The following ESR1 variants were observed in gnomAD, a reference collection of about 807,000 sequenced individuals.
ESR1 encodes the protein estrogen receptor.
Under a neutral mutation model 52.7 loss-of-function variants are expected in ESR1, and 12 were observed. The ratio of observed to expected loss-of-function variants is 0.23; its 90% confidence interval spans 0.15 to 0.37. The LOEUF is 0.37. ESR1 is among the 10% of genes least tolerant of loss of function. The probability of loss-of-function intolerance (pLI) is 1.00; values close to 1 mark genes in which losing one functional copy is unlikely to be tolerated. For missense variants in ESR1, 584 were observed against 779.7 expected (o/e 0.75, Z 2.99); for synonymous variants, 305 against 316.8 (o/e 0.96, Z 0.39).
chr6:151,976,780 C>A (rs1263940942), intron 4 of ESR1, among the ~76,000 whole-genome samples: 1 of 151,924 alleles, frequency 6.6e-6, no homozygotes, highest in Non-Finnish European at 1.5e-5. Flanking sequence ...GCAGTGTTTG[C>A]CTCTCTACTT....
At chr6:151,854,579 A>G (rs899272603) in intron 2 of ESR1, among the ~76,000 whole-genome samples, 1 of 152,156 alleles carries the variant, frequency 6.6e-6, no homozygotes. Context: ...GTGGACTTTC[A>G]ATTTTATCCA....
intron 2 of ESR1, among the ~76,000 whole-genome samples, chr6:151,776,823 G>C (rs904678353): frequency 6.7e-6 from 1 of 148,982 alleles, no homozygotes; most frequent in African/African-American, 2.5e-5. Flanking sequence ...GGGCAACAAA[G>C]AGTGAAACTC....
chr6:151,806,530 GTATATATATATATATA>G (rs56020486), upstream of ESR1, among the ~76,000 whole-genome samples: 38 of 96,446 alleles, frequency 3.9e-4, 2 homozygotes, highest in Non-Finnish European at 7.1e-4. Flanking sequence ...TCCTTAATAT[GTATATATATATATATA>G]TATATATATA....
At chr6:151,801,201 A>G (rs1435626428), upstream of ESR1, among the ~76,000 whole-genome samples, 1 of 152,158 alleles carries the variant, frequency 6.6e-6, no homozygotes, top group East Asian at 1.9e-4. Context: ...CCTCAAGTAA[A>G]CAACAGATAA....
At chr6:151,767,031 A>G (rs1331418114) in intron 2 of ESR1, among the ~76,000 whole-genome samples, 2 of 152,292 alleles carry the variant, frequency 1.3e-5, no homozygotes, top group African/African-American at 2.4e-5. Flanking sequence ...AAATGAAAAT[A>G]TGGTTTCAGG....
intron 2 of ESR1, among the ~76,000 whole-genome samples, chr6:151,851,735 C>T (rs922794113): frequency 4.6e-5 from 7 of 152,084 alleles, no homozygotes; most frequent in African/African-American, 1.4e-4. Context: ...ACCATGTTGG[C>T]CAGGCTGGTC....
At chr6:151,849,127 G>A (rs764015223) in intron 2 of ESR1, among the ~76,000 whole-genome samples, 3 of 152,020 alleles carry the variant, frequency 2.0e-5, no homozygotes, top group African/African-American at 4.8e-5. Context: ...CCTTCCACGA[G>A]TAATACTACT....
chr6:151,881,808 G>T (rs1261063847), intron 3 of ESR1, among the ~76,000 whole-genome samples: 1 of 151,844 alleles, frequency 6.6e-6, no homozygotes, highest in Non-Finnish European at 1.5e-5. Context: ...ACTTGAACCT[G>T]GCAGGTGGAG....
intron 3 of ESR1, among the ~76,000 whole-genome samples, chr6:151,922,253 T>C (rs185876314): frequency 1.3e-5 from 2 of 152,272 alleles, no homozygotes; most frequent in East Asian, 3.9e-4. Flanking sequence ...GAGAACTGGC[T>C]AGCCACATAC....
At chr6:151,661,562 A>T (rs1008849034) in intron 1 of ESR1, among the ~76,000 whole-genome samples, 3 of 152,222 alleles carry the variant, frequency 2.0e-5, no homozygotes, top group Admixed American at 6.5e-5. Flanking sequence ...AGCACAAACA[A>T]ATATTCAAAA....
intron 1 of ESR1, among the ~76,000 whole-genome samples, chr6:151,680,282 C>A (rs565290155): frequency 2.5e-4 from 38 of 149,616 alleles, no homozygotes; most frequent in Non-Finnish European, 4.4e-4. Flanking sequence ...CGACTCATTG[C>A]AATCTCCACC....
intron 2 of ESR1, among the ~76,000 whole-genome samples, chr6:151,734,090 T>A (rs1385070694): frequency 6.6e-6 from 1 of 152,322 alleles, no homozygotes; most frequent in East Asian, 1.9e-4. Flanking sequence ...CTCACACCAG[T>A]GCAGAAATGG....
At chr6:152,104,578 T>G (rs1308025750), downstream of ESR1, among the ~76,000 whole-genome samples, 1 of 152,210 alleles carries the variant, frequency 6.6e-6, no homozygotes, top group Admixed American at 6.5e-5. Flanking sequence ...TTACTGCCTT[T>G]CGTTGTTTTA....
intron 6 of ESR1, among the ~76,000 whole-genome samples, chr6:152,124,367 T>C (rs965042991): frequency 2.6e-5 from 4 of 152,210 alleles, no homozygotes; most frequent in Non-Finnish European, 5.9e-5. Flanking sequence ...AGTGTTTCTA[T>C]ACACTTCTTG....
chr6:151,775,703 G>A (rs950483528), intron 2 of ESR1, among the ~76,000 whole-genome samples: 5 of 148,524 alleles, frequency 3.4e-5, no homozygotes, highest in Admixed American at 2.0e-4. Flanking sequence ...CCGAGATCGC[G>A]CCACTGCACT....
intron 2 of ESR1, among the ~76,000 whole-genome samples, chr6:151,843,937 A>G (rs1039868222): frequency 2.0e-5 from 3 of 148,758 alleles, no homozygotes; most frequent in Admixed American, 6.7e-5. Context: ...AAAGCTGTTC[A>G]TATCTTAATC....
chr6:151,970,653 T>G (rs893312338), intron 4 of ESR1, among the ~76,000 whole-genome samples: 1 of 152,208 alleles, frequency 6.6e-6, no homozygotes, highest in Middle Eastern at 3.2e-3. Context: ...ACCAGACAGC[T>G]GACCAGGACT....
intron 2 of ESR1, among the ~76,000 whole-genome samples, chr6:151,869,482 G>C (rs1260379378): frequency 6.6e-6 from 1 of 152,166 alleles, no homozygotes; most frequent in African/African-American, 2.4e-5. Context: ...TTGTCCCTGA[G>C]GTATTACAAT....
chr6:151,881,712 G>A (rs551935296), intron 3 of ESR1, among the ~76,000 whole-genome samples: 2 of 152,138 alleles, frequency 1.3e-5, no homozygotes, highest in East Asian at 3.9e-4. Flanking sequence ...GTGAAACCCT[G>A]TCTCTATTGA....
Sources: gnomAD v4.1 joint callset for allele counts (sites outside exome capture counted in the v4.1 genomes callset) on GRCh38, gnomAD v4.1.1 for gene constraint, MANE v1.5 for transcripts, NCBI Gene and HGNC (gene_info 2026-07-23, HGNC 2026-07-21) for gene names.